Variants in SUGCT observed in about 807,000 individuals in gnomAD.
The protein encoded by SUGCT is succinyl-CoA:glutarate CoA-transferase.
SUGCT carries 41 observed loss-of-function variants against 55.0 expected under a neutral mutation model. That is an observed-to-expected ratio of 0.74 (90% CI 0.58 to 0.97). The LOEUF is 0.97. SUGCT is among the 50% of genes least tolerant of loss of function. SUGCT has a pLI of 0.00. For missense variants in SUGCT, 568 were observed against 547.8 expected, an observed-to-expected ratio of 1.04 and a Z score of -0.37; for synonymous variants, 187 against 200.4, an observed-to-expected ratio of 0.93 and a Z score of 0.56.
rs550772495 is a variant in SUGCT at position 40,262,751 on chromosome 7, A to G, written c.577-11762A>G. Among the ~76,000 whole-genome samples the G allele has an allele frequency of 3.9e-5, 6 of 152,256 alleles. No individual in the cohort carries two copies. The South Asian group carries it at 1.2e-3, about 32-fold the overall frequency. On this transcript the variant is annotated intron_variant, in intron 7 of 13. Coordinates refer to ENST00000335693, the MANE Select transcript of SUGCT (RefSeq NM_001193313.2). ...TGACAAATTAACTCACACATTTAAA[A>G]TTTTTGCTCTTTAGTGATTGTCTGA...
chr7:41,033,903 G>C, the SUGCT span, among the ~76,000 whole-genome samples: 2 of 152,008 alleles, frequency 1.3e-5, no homozygotes, highest in African/African-American at 4.8e-5. Context: ...GGTCTTGGGG[G>C]GCCAAGTAGG....
At position 40,242,177 on chromosome 7, in the gene SUGCT, C is replaced by CT. The variant is rs555537635; in HGVS notation, c.576+4463dup. The stretch of plus-strand genomic sequence containing the variant: ...TTGACAAACTCTTTTTTTTTCTTTT[C>CT]TTTTTTTTTTTTCAGATAGAGTCCT... On this transcript the variant is annotated intron_variant, in intron 7 of 13. Transcript: ENST00000335693. 8.5e-3 allele frequency among the ~76,000 whole-genome samples: 1,189 copies of CT among 140,246 alleles called. 13 individuals carry two copies. Among genetic ancestry groups the CT allele is most frequent in the African/African-American group, 0.025 (971 of 38,384 alleles). The allele number at this position is 140,246 out of a possible 152,430, so 92.0% of individuals were successfully genotyped here.
chr7:40,645,231 A>G (rs1800445659), intron 12 of SUGCT, among the ~76,000 whole-genome samples: 1 of 152,096 alleles, frequency 6.6e-6, no homozygotes, highest in Non-Finnish European at 1.5e-5. Flanking sequence ...AAATGTCCTC[A>G]TCGCTCTTAG....
intron 13 of SUGCT, among the ~76,000 whole-genome samples, chr7:40,825,145 A>G (rs950554913): frequency 6.6e-6 from 1 of 152,248 alleles, no homozygotes; most frequent in Admixed American, 6.5e-5. Flanking sequence ...AGTAGTATAC[A>G]CAACCTTCAC....
chr7:40,472,894 C>T (rs531285335), intron 11 of SUGCT, among the ~76,000 whole-genome samples: 5 of 152,202 alleles, frequency 3.3e-5, no homozygotes, highest in Non-Finnish European at 7.4e-5. Flanking sequence ...TATTTTCTAG[C>T]TTTATGTTAC....
intron 7 of SUGCT, among the ~76,000 whole-genome samples, chr7:40,245,423 A>ATATATATTTTTTTTTTTTTTTT (rs1344678220): frequency 1.8e-5 from 1 of 54,590 alleles, no homozygotes; most frequent in Non-Finnish European, 3.3e-5. Flanking sequence ...ATATATATAT[A>ATATATATTTTTTTTTTTTTTTT]TTTTTTTTTT....
chr7:40,489,948 C>T (rs548580599), intron 11 of SUGCT, among the ~76,000 whole-genome samples: 1 of 152,248 alleles, frequency 6.6e-6, no homozygotes, highest in Admixed American at 6.5e-5. Flanking sequence ...TAGTAATGTT[C>T]CTCAACAGTA....
chr7:40,977,684 G>A, the SUGCT span, among the ~76,000 whole-genome samples: 27 of 152,286 alleles, frequency 1.8e-4, no homozygotes, highest in East Asian at 5.2e-3. Context: ...ACCTTTCAGA[G>A]GTAGTCAGAG....
intron 1 of SUGCT, among the ~76,000 whole-genome samples, chr7:40,158,284 C>A (rs1392796148): frequency 6.6e-6 from 1 of 152,130 alleles, no homozygotes; most frequent in Non-Finnish European, 1.5e-5. Flanking sequence ...ATATTTACTT[C>A]TTTGTAGACT....
chr7:40,706,946 C>G (rs1332092233), intron 12 of SUGCT, among the ~76,000 whole-genome samples: 1 of 152,176 alleles, frequency 6.6e-6, no homozygotes, highest in Non-Finnish European at 1.5e-5. Context: ...AAAGAGTCTT[C>G]ACAAAGATTG....
chr7:40,189,478 G>A (rs1450477212), intron 4 of SUGCT, 66 bp from the exon 5 acceptor site: 2 of 402,706 alleles, frequency 5.0e-6, no homozygotes, highest in Non-Finnish European at 8.0e-6. Flanking sequence ...GCATAGTGGT[G>A]GGGATTGGGC....
chr7:40,421,444 T>C (rs1257538064), intron 9 of SUGCT, among the ~76,000 whole-genome samples: 1 of 152,156 alleles, frequency 6.6e-6, no homozygotes, highest in African/African-American at 2.4e-5. Flanking sequence ...CCTGGATACT[T>C]TATCATAATC....
chr7:40,391,540 G>T (rs1184151524), intron 9 of SUGCT, among the ~76,000 whole-genome samples: 5 of 152,124 alleles, frequency 3.3e-5, no homozygotes, highest in South Asian at 2.1e-4. Context: ...AAAATGCTCA[G>T]CATCACTGGT....
intron 9 of SUGCT, among the ~76,000 whole-genome samples, chr7:40,400,110 C>G (rs1253455199): frequency 6.6e-6 from 1 of 152,004 alleles, no homozygotes; most frequent in Non-Finnish European, 1.5e-5. Flanking sequence ...AGAAAGTCTT[C>G]TATTTCCAGT....
chr7:40,447,882 T>C (rs549721663), intron 9 of SUGCT, among the ~76,000 whole-genome samples: 7 of 152,198 alleles, frequency 4.6e-5, no homozygotes, highest in East Asian at 1.9e-4. Flanking sequence ...AAAATTCAAA[T>C]AGCTAATTTA....
the SUGCT span, among the ~76,000 whole-genome samples, chr7:40,940,477 G>C: frequency 6.6e-6 from 1 of 152,036 alleles, no homozygotes; most frequent in Non-Finnish European, 1.5e-5. Flanking sequence ...GGTCAGTATG[G>C]TTATTTTCAT....
At chr7:40,613,263 T>A (rs1798847632) in intron 12 of SUGCT, among the ~76,000 whole-genome samples, 2 of 152,048 alleles carry the variant, frequency 1.3e-5, no homozygotes, top group African/African-American at 4.8e-5. Flanking sequence ...GTGGGGGCCG[T>A]CACCATGAGG....
intron 12 of SUGCT, among the ~76,000 whole-genome samples, chr7:40,505,144 T>C (rs1050502399): frequency 5.9e-5 from 9 of 152,210 alleles, no homozygotes; most frequent in African/African-American, 1.7e-4. Context: ...CATTTTTGTT[T>C]TAATATCTAT....
the SUGCT span, among the ~76,000 whole-genome samples, chr7:40,883,247 A>G: frequency 6.6e-6 from 1 of 152,198 alleles, no homozygotes; most frequent in Non-Finnish European, 1.5e-5. Flanking sequence ...TTGGAATAAA[A>G]AACAGCTTGC....
Sources: allele counts gnomAD v4.1 joint callset (sites outside exome capture counted in the v4.1 genomes callset), GRCh38; gene constraint gnomAD v4.1.1; transcripts MANE v1.5; gene names NCBI Gene and HGNC (gene_info 2026-07-23, HGNC 2026-07-21).